The following CCDC148 variants were observed in gnomAD, a reference collection of about 807,000 sequenced individuals.
CCDC148 encodes coiled-coil domain-containing protein 148.
A neutral mutation model predicts 85.7 loss-of-function variants in CCDC148; 89 were observed. The observed-to-expected ratio is 1.04, with a 90% CI of 0.87 to 1.24. The LOEUF is 1.24. Among genes scored for constraint, CCDC148 ranks in the 50% most tolerant of loss-of-function variants. The pLI, the probability that CCDC148 is intolerant of heterozygous loss-of-function variation, is 0.00. For missense variants in CCDC148, 692 were observed against 671.7 expected (o/e 1.03, Z -0.33); for synonymous variants, 230 against 213.9 (o/e 1.08, Z -0.66).
intron 10 of CCDC148, among the ~76,000 whole-genome samples, chr2:158,246,622 T>G (rs144395781): frequency 6.6e-6 from 1 of 152,258 alleles, no homozygotes; most frequent in East Asian, 1.9e-4. Flanking sequence ...TGGCCGGGCC[T>G]TTAACATTTG....
At chr2:158,441,310 A>G (rs909071013) in intron 1 of CCDC148, among the ~76,000 whole-genome samples, 1 of 152,180 alleles carries the variant, frequency 6.6e-6, no homozygotes, top group African/African-American at 2.4e-5. Flanking sequence ...CAATTTACCA[A>G]AATGAACTAT....
chr2:158,423,672 T>C (rs1229454839), intron 1 of CCDC148, among the ~76,000 whole-genome samples: 4 of 152,102 alleles, frequency 2.6e-5, no homozygotes, highest in Admixed American at 6.6e-5. Flanking sequence ...ACTTCATGAC[T>C]AAAACACCAA....
chr2:158,264,865 T>C (rs902006958), intron 9 of CCDC148, among the ~76,000 whole-genome samples: 12 of 152,128 alleles, frequency 7.9e-5, no homozygotes, highest in African/African-American at 2.4e-4. Flanking sequence ...CTGAAATGAA[T>C]GTTCTGAGTA....
chr2:158,295,742 T>A (rs1691155368), intron 9 of CCDC148, among the ~76,000 whole-genome samples: 1 of 149,196 alleles, frequency 6.7e-6, no homozygotes, highest in African/African-American at 2.5e-5. Context: ...ATAAGAGCTA[T>A]CTATGACAAA....
chr2:158,176,788 G>T, intron 12 of CCDC148, 127 bp from the exon 13 acceptor site: 2 of 1,066,408 alleles, frequency 1.9e-6, no homozygotes, highest in Non-Finnish European at 2.7e-6. Context: ...AGAGGAAAGG[G>T]CAGAAGAAAT....
chr2:158,293,792 A>C (rs187186710), intron 9 of CCDC148, among the ~76,000 whole-genome samples: 1 of 152,190 alleles, frequency 6.6e-6, no homozygotes, highest in Admixed American at 6.5e-5. Flanking sequence ...TTTTATTCTC[A>C]CCTTTATTCA....
At chr2:158,352,565 A>G (rs1393614454) in intron 2 of CCDC148, among the ~76,000 whole-genome samples, 3 of 152,116 alleles carry the variant, frequency 2.0e-5, no homozygotes, top group Non-Finnish European at 4.4e-5. Flanking sequence ...TCCAAGAAAT[A>G]TGGGACTATG....
intron 7 of CCDC148, among the ~76,000 whole-genome samples, chr2:158,326,052 C>A (rs751805100): frequency 6.6e-6 from 1 of 152,120 alleles, no homozygotes; most frequent in Non-Finnish European, 1.5e-5. Flanking sequence ...TCATATCACA[C>A]AGAGTAAAAG....
Position 158,398,630 on chromosome 2 carries a change from G to T in CCDC148, c.26-40060C>A, listed in dbSNP as rs371567310. 4.3e-4 allele frequency among the ~76,000 whole-genome samples: 66 copies of T among 152,256 alleles called. 1 individual carries two copies. The highest frequency in any genetic ancestry group is 1.6e-3 in the African/African-American group (65 of 41,538). ...ACCTCTGGGACACATTTAAAGCAGT[G>T]GGTAGAGGGATATTTATAGCACTAA... is the stretch of plus-strand genomic sequence containing the variant. On this transcript the variant is annotated intron_variant, in intron 1 of 13. Transcript: ENST00000283233.
chr2:158,328,216 A>G (rs1692890174), intron 7 of CCDC148, among the ~76,000 whole-genome samples: 2 of 151,986 alleles, frequency 1.3e-5, no homozygotes, highest in East Asian at 3.9e-4. Flanking sequence ...TCCTGTGTCC[A>G]TGTGTTCTCA....
At chr2:158,234,692 A>G (rs1224732600) in intron 10 of CCDC148, among the ~76,000 whole-genome samples, 2 of 152,178 alleles carry the variant, frequency 1.3e-5, no homozygotes, top group East Asian at 1.9e-4. Flanking sequence ...ATGTAACACT[A>G]TGCAACCACT....
chr2:158,345,180 T>C, intron 3 of CCDC148, 35 bp downstream of exon 3: 1 of 1,395,398 alleles, frequency 7.2e-7, no homozygotes, highest in South Asian at 1.2e-5. Flanking sequence ...TCCTAGTAAT[T>C]CCTACGTGTT....
At chr2:158,306,250 C>T (rs950434258) in intron 9 of CCDC148, among the ~76,000 whole-genome samples, 66 of 151,774 alleles carry the variant, frequency 4.3e-4, no homozygotes, top group African/African-American at 1.2e-3. Context: ...TGGCCAGGTG[C>T]GGTGGCTCAT....
chr2:158,386,102 G>A (rs1302437629), intron 1 of CCDC148, among the ~76,000 whole-genome samples: 1 of 152,026 alleles, frequency 6.6e-6, no homozygotes, highest in Non-Finnish European at 1.5e-5. Flanking sequence ...AGAGAACAAA[G>A]TATGTATCAG....
chr2:158,241,919 A>G (rs115626512), intron 10 of CCDC148, among the ~76,000 whole-genome samples: 46 of 152,284 alleles, frequency 3.0e-4, no homozygotes, highest in African/African-American at 1.1e-3. Context: ...TGAAGTTAGT[A>G]TATGTTTTAT....
At chr2:158,417,602 T>C (rs1157321803) in intron 1 of CCDC148, among the ~76,000 whole-genome samples, 2 of 152,148 alleles carry the variant, frequency 1.3e-5, no homozygotes, top group Admixed American at 1.3e-4. Flanking sequence ...AAATCCTCCT[T>C]CCCGTCTCTC....
At chr2:158,192,959 T>A (rs1362722694) in intron 11 of CCDC148, among the ~76,000 whole-genome samples, 1 of 152,112 alleles carries the variant, frequency 6.6e-6, no homozygotes, top group East Asian at 1.9e-4. Context: ...TGTCAATATA[T>A]GAAAGGCAAC....
chr2:158,302,190 A>G (rs1238620752), intron 9 of CCDC148, among the ~76,000 whole-genome samples: 1 of 152,110 alleles, frequency 6.6e-6, no homozygotes, highest in African/African-American at 2.4e-5. Context: ...CTGGCAAGAG[A>G]CAGAAAGGCA....
At chr2:158,227,752 A>G (rs1035935869) in intron 10 of CCDC148, among the ~76,000 whole-genome samples, 10 of 152,222 alleles carry the variant, frequency 6.6e-5, no homozygotes, top group African/African-American at 2.2e-4. Flanking sequence ...CTGGCTAGCC[A>G]TATATAGAAA....
Sources: allele counts gnomAD v4.1 joint callset (sites outside exome capture counted in the v4.1 genomes callset), GRCh38; gene constraint gnomAD v4.1.1; transcripts MANE v1.5; gene names NCBI Gene and HGNC (gene_info 2026-07-23, HGNC 2026-07-21).